Variants in EXT1 observed in about 807,000 individuals in gnomAD.
The protein encoded by EXT1 is exostosin-1.
EXT1 carries 20 observed loss-of-function variants against 82.5 expected under a neutral mutation model. The ratio of observed to expected loss-of-function variants is 0.24; its 90% CI spans 0.17 to 0.35. The LOEUF (loss-of-function observed/expected upper bound fraction) is 0.35. Ranked by LOEUF, EXT1 falls within the 10% of genes least tolerant of loss-of-function variation. The pLI is 1.00. For missense variants in EXT1, 757 were observed against 936.5 expected (o/e 0.81, Z 2.50); for synonymous variants, 348 against 350.8 (o/e 0.99, Z 0.09).
chr8:117,812,027 A>G (rs1379130575), intron 8 of EXT1, among the ~76,000 whole-genome samples: 3 of 152,202 alleles, frequency 2.0e-5, no homozygotes, highest in African/African-American at 7.2e-5. Flanking sequence ...TGCAGGTTAC[A>G]CTGATGTTTA....
chr8:117,812,833 G>GTTC (rs773473411), intron 8 of EXT1, 39 bp downstream of exon 8: 1 of 1,571,774 alleles, frequency 6.4e-7, no homozygotes, highest in Admixed American at 1.7e-5. Flanking sequence ...GTGACTGCCT[G>GTTC]AACAGCCCAC....
At chr8:117,867,329 G>A (rs28628256) in intron 1 of EXT1, among the ~76,000 whole-genome samples, 5,132 of 149,288 alleles carry the variant, frequency 0.034, 307 homozygotes, top group African/African-American at 0.12. Flanking sequence ...CTATTTAAAT[G>A]TAAAATCACT....
intron 1 of EXT1, among the ~76,000 whole-genome samples, chr8:118,006,265 T>C (rs1238426093): frequency 6.6e-6 from 1 of 152,156 alleles, no homozygotes; most frequent in Non-Finnish European, 1.5e-5. Context: ...ACATCAACAA[T>C]GGGGGTCCCT....
intron 1 of EXT1, among the ~76,000 whole-genome samples, chr8:117,980,263 C>T (rs569726619): frequency 1.3e-5 from 2 of 152,256 alleles, no homozygotes; most frequent in Non-Finnish European, 2.9e-5. Flanking sequence ...TGAGAGTCAT[C>T]CTCGTCCTTC....
At chr8:118,035,932 G>A (rs1440461235) in intron 1 of EXT1, among the ~76,000 whole-genome samples, 1 of 152,162 alleles carries the variant, frequency 6.6e-6, no homozygotes, top group Non-Finnish European at 1.5e-5. Context: ...GACCTGCAGA[G>A]ATAATTTACT....
chr8:118,052,396 T>C (rs1050226470), intron 1 of EXT1, among the ~76,000 whole-genome samples: 3 of 152,264 alleles, frequency 2.0e-5, no homozygotes, highest in Non-Finnish European at 2.9e-5. Flanking sequence ...GTGTCTGTTA[T>C]TCTATTCTAG....
intron 1 of EXT1, among the ~76,000 whole-genome samples, chr8:117,860,455 A>G (rs1253220395): frequency 6.6e-6 from 1 of 152,204 alleles, no homozygotes; most frequent in Non-Finnish European, 1.5e-5. Flanking sequence ...CTTCGCCACT[A>G]TGCAGTATGT....
intron 1 of EXT1, among the ~76,000 whole-genome samples, chr8:118,071,572 G>T (rs924098943): frequency 6.6e-6 from 1 of 152,102 alleles, no homozygotes; most frequent in Non-Finnish European, 1.5e-5. Flanking sequence ...GGATTGTTTT[G>T]ATTACAAATG....
In EXT1 at chr8:117,799,888, C is replaced by T. The variant is rs1336352739; in HGVS notation, c.2065G>A (p.Ala689Thr). 9 of 1,613,810 alleles carry T rather than the reference C, an allele frequency of 5.6e-6. No individual in the cohort carries two copies. Among genetic ancestry groups the T allele is most frequent in the African/African-American group, 1.3e-5 (1 of 74,878 alleles). Residue 689 changes from alanine (A) to threonine (T), a missense_variant, in exon 11 of 11, where the codon GCT becomes ACT. Around this residue, in one of 4 missense-constraint regions of EXT1, gnomAD observed 128 missense variants for 223.2 expected, o/e 0.57. Coordinates refer to ENST00000378204, the MANE Select transcript of EXT1 (RefSeq NM_000127.3). Reference protein sequence around the residue: ...KETMMGQTSRASRWADPDHFA... With the variant: ...KETMMGQTSRTSRWADPDHFA... ...TGGTCAGGGTCAGCCCAACGGGAAG[C>T]CCGAGAAGTCTAGGGAGAAGGAGAG...
intron 4 of EXT1, among the ~76,000 whole-genome samples, 178 bp downstream of exon 4, chr8:117,830,052 G>C (rs1013759896): frequency 3.5e-4 from 54 of 152,142 alleles, no homozygotes; most frequent in African/African-American, 1.3e-3. Flanking sequence ...TGTCAGGAAT[G>C]AGAGTATTTT....
At chr8:117,945,975 T>C (rs1814379584) in intron 1 of EXT1, among the ~76,000 whole-genome samples, 2 of 152,224 alleles carry the variant, frequency 1.3e-5, no homozygotes, top group Non-Finnish European at 2.9e-5. Flanking sequence ...CAATCTCAGC[T>C]CACTGCAACC....
intron 1 of EXT1, among the ~76,000 whole-genome samples, chr8:118,079,819 A>G (rs1817278822): frequency 6.6e-6 from 1 of 152,186 alleles, no homozygotes; most frequent in Non-Finnish European, 1.5e-5. Flanking sequence ...ACCACATTGG[A>G]TGTAGTCAGG....
chr8:118,046,784 G>A (rs139935655), intron 1 of EXT1, among the ~76,000 whole-genome samples: 2 of 152,302 alleles, frequency 1.3e-5, no homozygotes, highest in African/African-American at 4.8e-5. Context: ...GAACAAAGGG[G>A]TAGTCCCTCC....
chr8:118,097,597 C>A (rs569422826), intron 1 of EXT1, among the ~76,000 whole-genome samples: 1 of 152,184 alleles, frequency 6.6e-6, no homozygotes, highest in African/African-American at 2.4e-5. Flanking sequence ...CACTTCCATA[C>A]GTTGCTTTAC....
chr8:117,925,486 C>T (rs1043390093), intron 1 of EXT1, among the ~76,000 whole-genome samples: 1 of 151,924 alleles, frequency 6.6e-6, no homozygotes, highest in Non-Finnish European at 1.5e-5. Flanking sequence ...AGAGTGCTAT[C>T]ACCTCACAGC....
At chr8:117,944,606 G>A (rs755708423) in intron 1 of EXT1, among the ~76,000 whole-genome samples, 4 of 152,168 alleles carry the variant, frequency 2.6e-5, no homozygotes, top group Non-Finnish European at 5.9e-5. Context: ...AGAAGACTAT[G>A]TAGGCATGAC....
intron 1 of EXT1, among the ~76,000 whole-genome samples, chr8:118,050,411 G>A (rs1816698497): frequency 6.6e-6 from 1 of 152,198 alleles, no homozygotes; most frequent in Admixed American, 6.5e-5. Context: ...AGGAAACCAA[G>A]ACATAACATG....
intron 1 of EXT1, among the ~76,000 whole-genome samples, chr8:118,053,565 T>A (rs1304035847): frequency 6.6e-6 from 1 of 152,184 alleles, no homozygotes; most frequent in East Asian, 1.9e-4. Context: ...AAAAAACAAC[T>A]CAAGAGAGCT....
intron 1 of EXT1, among the ~76,000 whole-genome samples, chr8:117,872,306 G>T (rs988722949): frequency 1.3e-5 from 2 of 152,094 alleles, no homozygotes; most frequent in Non-Finnish European, 2.9e-5. Flanking sequence ...CTATTAATTT[G>T]CATGCAGAAC....
Sources: gnomAD v4.1 joint callset for allele counts (sites outside exome capture counted in the v4.1 genomes callset) on GRCh38, gnomAD v4.1.1 for gene constraint, gnomAD v4.1.1 regional missense constraint, MANE v1.5 for transcripts, NCBI Gene and HGNC (gene_info 2026-07-23, HGNC 2026-07-21) for gene names.